The following PLXNC1 variants were observed in gnomAD, a reference collection of about 807,000 sequenced individuals.
PLXNC1 encodes plexin C1, also known as plexin-C1.
In PLXNC1, 75 loss-of-function variants were observed where a neutral mutation model predicts 178.2. That is an observed-to-expected ratio of 0.42 (90% CI 0.35 to 0.51). The LOEUF (loss-of-function observed/expected upper bound fraction) is 0.51. Among genes scored for constraint, PLXNC1 ranks in the 20% least tolerant of loss-of-function variants. PLXNC1 has a pLI of 0.02. For synonymous variants in PLXNC1, 790 were observed against 779.9 expected (o/e 1.01, Z -0.22); for missense variants, 1,503 against 1,984.4 (o/e 0.76, Z 4.61).
intron 21 of PLXNC1, among the ~76,000 whole-genome samples, chr12:94,268,588 CTTTTTTTTTTT>C (rs61265662): frequency 7.7e-5 from 7 of 90,878 alleles, no homozygotes; most frequent in African/African-American, 3.2e-4. Flanking sequence ...AGAATAAGAC[CTTTTTTTTTTT>C]TTTTTTTTTT....
chr12:94,290,098 G>T (rs1967143280), intron 23 of PLXNC1, among the ~76,000 whole-genome samples: 1 of 152,244 alleles, frequency 6.6e-6, no homozygotes, highest in African/African-American at 2.4e-5. Flanking sequence ...GCAAAACAAA[G>T]CGTCTGACAG....
rs1396090948 is a variant in PLXNC1, at chr12:94,149,796, C to A, written c.825C>A (p.Phe275Leu). The A allele has an allele frequency of 1.1e-5, 17 of 1,606,350 alleles. No individual in the cohort carries two copies. The highest frequency in any genetic ancestry group is 1.4e-5 in the Non-Finnish European group (16 of 1,178,228). ...ARIAQSTEVL[F>L]QGQASLDCGH... Reference sequence around the variant, plus strand: ...TCGCGCAGAGCACCGAGGTGCTGTTCCAGGGCCAGGCATCCCTCGACTGCG... The same window carrying A: ...TCGCGCAGAGCACCGAGGTGCTGTTACAGGGCCAGGCATCCCTCGACTGCG... Residue 275 changes from phenylalanine (F) to leucine (L), a missense_variant, in exon 1 of 31, where the codon TTC (phenylalanine) becomes TTA (leucine). Physicochemically the swap from Phe to Leu is conservative, Grantham distance 22 (BLOSUM62 0). This residue lies in a region of PLXNC1 where 615 missense variants were observed against 698.6 expected (regional missense o/e 0.88). Coordinates refer to ENST00000258526, the MANE Select transcript of PLXNC1 (RefSeq NM_005761.3).
intron 8 of PLXNC1, 136 bp downstream of exon 8, chr12:94,226,843 G>C (rs1388643202): frequency 1.5e-6 from 1 of 663,548 alleles, no homozygotes; most frequent in East Asian, 2.7e-5. Flanking sequence ...GACCAACATG[G>C]CAAAACCCTG....
At chr12:94,232,684 T>G (rs995051506) in intron 9 of PLXNC1, among the ~76,000 whole-genome samples, 1 of 152,148 alleles carries the variant, frequency 6.6e-6, no homozygotes, top group African/African-American at 2.4e-5. Context: ...TAAGATTCAT[T>G]TTCATGAAGC....
intron 24 of PLXNC1, among the ~76,000 whole-genome samples, chr12:94,295,885 A>G (rs1967871334): frequency 6.6e-6 from 1 of 152,146 alleles, no homozygotes; most frequent in African/African-American, 2.4e-5. Context: ...CTCTCAGCAG[A>G]TGACTTCACC....
rs1381317134 is a variant in PLXNC1, at chr12:94,177,189, A to G, written c.1204-4257A>G. 3.5e-3 allele frequency among the ~76,000 whole-genome samples: 30 copies of G among 8,482 alleles called. No individual in the cohort carries two copies. The South Asian group carries it at 0.049, about 14-fold the overall frequency. 5.6% of individuals were successfully genotyped at this position (8,482 alleles called of 152,430 possible). ...TATATATATATACGTATATATATGT[A>G]TATATATATACGTATATATATATGT... is the stretch of plus-strand genomic sequence containing the variant. On this transcript the variant is annotated intron_variant, in intron 2 of 30. Coordinates refer to ENST00000258526, the MANE Select transcript of PLXNC1 (RefSeq NM_005761.3).
At chr12:94,231,318 C>G (rs1293643164) in intron 9 of PLXNC1, among the ~76,000 whole-genome samples, 1 of 152,010 alleles carries the variant, frequency 6.6e-6, no homozygotes, top group Non-Finnish European at 1.5e-5. Context: ...CAGAAGATTC[C>G]AGGACACACG....
At chr12:94,186,868 C>G (rs1169631800) in intron 4 of PLXNC1, 1 of 199,504 alleles carries the variant, frequency 5.0e-6, no homozygotes, top group Non-Finnish European at 1.1e-5. Context: ...TCATGTATGT[C>G]ATGTATTCTG....
chr12:94,241,514 G>T (rs1041645074), intron 11 of PLXNC1, among the ~76,000 whole-genome samples: 1 of 151,828 alleles, frequency 6.6e-6, no homozygotes, highest in African/African-American at 2.4e-5. Context: ...CTCTGGCCCC[G>T]CCACACCACC....
intron 22 of PLXNC1, 181 bp downstream of exon 22, chr12:94,279,830 T>A (rs1420086509): frequency 5.7e-6 from 4 of 707,740 alleles, no homozygotes; most frequent in Admixed American, 2.0e-5. Flanking sequence ...CTCATGGGCA[T>A]CCTGATTCTT....
chr12:94,189,661 C>A, intron 4 of PLXNC1, among the ~76,000 whole-genome samples: 1 of 134,538 alleles, frequency 7.4e-6, no homozygotes, highest in Non-Finnish European at 1.6e-5. Context: ...GCTTGGATGA[C>A]AAAGTGAGAC....
Position 94,218,130 on chromosome 12 carries a change from T to C in PLXNC1, c.1555-1886T>C, listed in dbSNP as rs145483782. 1.7e-3 allele frequency among the ~76,000 whole-genome samples: 252 copies of C among 152,294 alleles called. 1 individual carries two copies. Among genetic ancestry groups the C allele is most frequent in the African/African-American group, 5.8e-3 (239 of 41,560 alleles). On this transcript the variant is annotated intron_variant, in intron 5 of 30. Coordinates refer to ENST00000258526, the MANE Select transcript of PLXNC1 (RefSeq NM_005761.3). ...GCGGATATAAATGCTGCGTTGAAGA[T>C]TGAGCATGAATGAGAGTTCAGGCAT... is the stretch of plus-strand genomic sequence containing the variant.
chr12:94,191,728 G>A (rs567890679), intron 4 of PLXNC1, among the ~76,000 whole-genome samples: 2 of 150,584 alleles, frequency 1.3e-5, no homozygotes, highest in South Asian at 4.2e-4. Flanking sequence ...AGGTTGCAGT[G>A]AGCCAAGATC....
chr12:94,259,625 GA>G lies in PLXNC1; in HGVS notation c.3143del (p.Asp1048AlafsTer12). 1 of 1,606,298 alleles carries G rather than the reference GA, an allele frequency of 6.2e-7. No homozygotes were observed. The highest frequency in any genetic ancestry group is 8.5e-7 in the Non-Finnish European group (1 of 1,175,792). On this transcript the variant is annotated frameshift_variant, in exon 19 of 31. Coordinates refer to ENST00000258526, the MANE Select transcript of PLXNC1 (RefSeq NM_005761.3). LOFTEE classifies it high-confidence loss of function. The part of the protein sequence containing the change: ...TEDMHNRDAN[D>X]KNESLTALDA... Reference sequence around the variant, plus strand: ...TTTTTATCAGAACAGAGACGCCAACGACAAGAATGAAAGTCTCACAGCTTTG... The same window carrying G: ...TTTTTATCAGAACAGAGACGCCAACGCAAGAATGAAAGTCTCACAGCTTTG...
intron 27 of PLXNC1, among the ~76,000 whole-genome samples, chr12:94,299,432 G>T (rs557297854): frequency 6.6e-6 from 1 of 152,328 alleles, no homozygotes; most frequent in South Asian, 2.1e-4. Flanking sequence ...AGGCTTTCCA[G>T]GCACTGAGGG....
intron 20 of PLXNC1, among the ~76,000 whole-genome samples, chr12:94,264,847 A>AATGTGCACGCGTGCGCGTGTGCAG (rs1965146534): frequency 6.6e-6 from 1 of 152,236 alleles, no homozygotes; most frequent in Admixed American, 6.5e-5. Flanking sequence ...CGTCGCTGTG[A>AATGTGCACGCGTGCGCGTGTGCAG]ATGTGCACGC....
intron 12 of PLXNC1, among the ~76,000 whole-genome samples, chr12:94,245,620 T>C (rs1455455992): frequency 6.6e-6 from 1 of 152,190 alleles, no homozygotes. Flanking sequence ...GAAGACACCA[T>C]TTCTTTTCAC....
chr12:94,164,460 G>A (rs796531014), intron 1 of PLXNC1, among the ~76,000 whole-genome samples: 44 of 141,516 alleles, frequency 3.1e-4, no homozygotes, highest in African/African-American at 1.1e-3. Flanking sequence ...TCGATGAGCC[G>A]GGCCATCTTT....
rs200182396 is a variant in PLXNC1, at chr12:94,227,192, G to C, written c.1937G>C (p.Arg646Thr). The C allele has an allele frequency of 5.1e-5, 82 of 1,613,370 alleles. No homozygotes were observed. Among genetic ancestry groups the C allele is most frequent in the Non-Finnish European group, 6.2e-5 (73 of 1,179,302 alleles). The change falls in exon 9 of 31, where the codon AGA becomes ACA. Residue 646 changes from arginine (R) to threonine (T), a missense_variant. Around this residue, in one of 4 missense-constraint regions of PLXNC1, gnomAD observed 615 missense variants for 698.6 expected, o/e 0.88. Coordinates refer to ENST00000258526, the MANE Select transcript of PLXNC1 (RefSeq NM_005761.3). ...GTCGAGAAGACATCAGGAGGAGGAA[G>C]ACCCAAGGAGAACAAGGGGAACAGA... ...VAVEKTSGGGRPKENKGNRTN... is the reference protein window; with the variant it reads ...VAVEKTSGGGTPKENKGNRTN...
Sources: allele counts gnomAD v4.1 joint callset (sites outside exome capture counted in the v4.1 genomes callset), GRCh38; gene constraint gnomAD v4.1.1; regional missense constraint gnomAD v4.1.1; transcripts MANE v1.5; gene names NCBI Gene and HGNC (gene_info 2026-07-23, HGNC 2026-07-21).